BRINP1: variants seen among roughly 807,000 people sequenced by gnomAD.
BRINP1 encodes the protein BMP/retinoic acid-inducible neural-specific protein 1.
Under a neutral mutation model 72.9 loss-of-function variants are expected in BRINP1, and 17 were observed. That is an observed-to-expected ratio of 0.23 (90% CI 0.16 to 0.35). BRINP1 has a LOEUF of 0.35. Ranked by LOEUF, BRINP1 falls within the 10% of genes least tolerant of loss-of-function variation. The pLI, the probability that BRINP1 is intolerant of heterozygous loss-of-function variation, is 1.00. For missense variants in BRINP1, 850 were observed against 1,001.6 expected (o/e 0.85, Z 2.04); for synonymous variants, 418 against 378.5 (o/e 1.10, Z -1.21).
At chr9:119,188,151 C>T (rs192392725) in intron 7 of BRINP1, among the ~76,000 whole-genome samples, 9 of 151,956 alleles carry the variant, frequency 5.9e-5, no homozygotes, top group Non-Finnish European at 1.0e-4. Flanking sequence ...GCTTATTTAA[C>T]GATATAATTG....
At chr9:119,169,571 C>T (rs1050116508) in intron 7 of BRINP1, among the ~76,000 whole-genome samples, 10 of 152,242 alleles carry the variant, frequency 6.6e-5, no homozygotes, top group African/African-American at 2.4e-4. Flanking sequence ...CCCGCCATTG[C>T]CCAGGCTTGA....
intron 7 of BRINP1, among the ~76,000 whole-genome samples, chr9:119,186,750 C>T (rs2118844607): frequency 6.6e-6 from 1 of 152,298 alleles, no homozygotes; most frequent in Admixed American, 6.5e-5. Context: ...GCCCTACCTC[C>T]AATGCGCAGT....
chr9:119,187,325 G>A (rs1466692736), intron 7 of BRINP1, among the ~76,000 whole-genome samples: 1 of 151,828 alleles, frequency 6.6e-6, no homozygotes, highest in Non-Finnish European at 1.5e-5. Context: ...TCTTCACACT[G>A]TGGGAAAAAT....
At chr9:119,178,310 G>T (rs975008876) in intron 7 of BRINP1, among the ~76,000 whole-genome samples, 6 of 152,136 alleles carry the variant, frequency 3.9e-5, no homozygotes, top group Non-Finnish European at 5.9e-5. Flanking sequence ...GACAGTGGGG[G>T]CAGAGAGGTA....
intron 2 of BRINP1, among the ~76,000 whole-genome samples, chr9:119,262,503 G>C (rs536994163): frequency 6.6e-6 from 1 of 151,598 alleles, no homozygotes; most frequent in African/African-American, 2.4e-5. Context: ...ATAAATTGCC[G>C]GGCGCGGTGG....
chr9:119,353,242 T>A (rs1831523056), intron 1 of BRINP1, among the ~76,000 whole-genome samples: 1 of 152,206 alleles, frequency 6.6e-6, no homozygotes, highest in Admixed American at 6.5e-5. Context: ...GCTGATCAAA[T>A]CATTGTGGTG....
chr9:119,231,605 T>G (rs1238534759), intron 5 of BRINP1, among the ~76,000 whole-genome samples: 2 of 152,136 alleles, frequency 1.3e-5, no homozygotes, highest in Admixed American at 6.6e-5. Context: ...GAAAACATCC[T>G]TTGTCATCAG....
At chr9:119,285,593 T>C (rs767185595) in intron 2 of BRINP1, among the ~76,000 whole-genome samples, 21 of 152,204 alleles carry the variant, frequency 1.4e-4, no homozygotes, top group Non-Finnish European at 2.1e-4. Context: ...AATCTAATTA[T>C]TTATCTAATT....
At chr9:119,246,456 A>G (rs532943205) in intron 3 of BRINP1, among the ~76,000 whole-genome samples, 104 of 152,334 alleles carry the variant, frequency 6.8e-4, no homozygotes, top group African/African-American at 2.4e-3. Context: ...TCGGACTCCA[A>G]GTTCTTCAGC....
chr9:119,283,360 C>T (rs1243492342), intron 2 of BRINP1: 1 of 175,256 alleles, frequency 5.7e-6, no homozygotes, highest in Non-Finnish European at 1.1e-5. Flanking sequence ...TTGGCAAGCC[C>T]TCTTGCTAAC....
chr9:119,332,773 C>T (rs893668803), intron 1 of BRINP1, among the ~76,000 whole-genome samples: 3 of 152,164 alleles, frequency 2.0e-5, no homozygotes, highest in African/African-American at 7.2e-5. Context: ...CAGCCTAGAT[C>T]AGTGAGCCTG....
At chr9:119,359,914 C>T (rs1383908857) in intron 1 of BRINP1, among the ~76,000 whole-genome samples, 1 of 152,212 alleles carries the variant, frequency 6.6e-6, no homozygotes, top group Admixed American at 6.5e-5. Context: ...TCAGCCATCT[C>T]TAAATGTTAT....
chr9:119,171,124 C>T (rs1458554409), intron 7 of BRINP1, among the ~76,000 whole-genome samples: 1 of 150,568 alleles, frequency 6.6e-6, no homozygotes, highest in Non-Finnish European at 1.5e-5. Flanking sequence ...CAAATTCACA[C>T]ATAACACTAT....
intron 7 of BRINP1, among the ~76,000 whole-genome samples, chr9:119,202,903 T>C (rs1829819894): frequency 6.6e-6 from 1 of 152,126 alleles, no homozygotes; most frequent in Non-Finnish European, 1.5e-5. Flanking sequence ...TAGTAAGCTT[T>C]CAGGAAATGT....
chr9:119,238,536 T>C (rs1050842480), intron 5 of BRINP1, 119 bp downstream of exon 5: 2 of 596,054 alleles, frequency 3.4e-6, no homozygotes, highest in African/African-American at 3.8e-5. Flanking sequence ...TTTCATTAGA[T>C]TTTCTATGCT....
At chr9:119,354,824 A>G (rs187266955) in intron 1 of BRINP1, among the ~76,000 whole-genome samples, 1 of 152,350 alleles carries the variant, frequency 6.6e-6, no homozygotes, top group Admixed American at 6.5e-5. Context: ...AACTATGATC[A>G]TATCACTGCA....
intron 2 of BRINP1, among the ~76,000 whole-genome samples, chr9:119,310,217 G>A (rs796562539): frequency 3.9e-5 from 6 of 152,222 alleles, no homozygotes; most frequent in African/African-American, 1.2e-4. Flanking sequence ...AGGAGACAGG[G>A]GAGCTGGGTC....
intron 1 of BRINP1, among the ~76,000 whole-genome samples, 173 bp from the exon 2 acceptor site, chr9:119,313,578 C>T (rs535025857): frequency 3.9e-5 from 6 of 152,296 alleles, no homozygotes; most frequent in Non-Finnish European, 7.4e-5. Flanking sequence ...AAACCCAGTA[C>T]AGTTCTGGTT....
At chr9:119,350,937 A>G (rs1004655769) in intron 1 of BRINP1, among the ~76,000 whole-genome samples, 4 of 150,604 alleles carry the variant, frequency 2.7e-5, no homozygotes, top group African/African-American at 9.8e-5. Flanking sequence ...TCTGGGATAC[A>G]TGTGCAGAAT....
Sources: allele counts gnomAD v4.1 joint callset (sites outside exome capture counted in the v4.1 genomes callset), GRCh38; gene constraint gnomAD v4.1.1; transcripts MANE v1.5; gene names NCBI Gene and HGNC (gene_info 2026-07-23, HGNC 2026-07-21).